C13orf46: variants seen among roughly 807,000 people sequenced by gnomAD.
C13orf46 encodes the protein chromosome 13 open reading frame 46, also known as uncharacterized protein C13orf46.
intron 6 of C13orf46, among the ~76,000 whole-genome samples, chr13:113,964,637 C>T (rs2052619170): frequency 6.6e-6 from 1 of 152,218 alleles, no homozygotes. Flanking sequence ...TCCCCCTTCT[C>T]ATCAGGTCCT....
At chr13:113,929,151 A>G in the C13orf46 span, among the ~76,000 whole-genome samples, 1 of 152,160 alleles carries the variant, frequency 6.6e-6, no homozygotes, top group Non-Finnish European at 1.5e-5. Flanking sequence ...TGCGGCAGGG[A>G]AGCAGAGGCA....
At chr13:113,969,845 G>A (rs1326395303) in intron 2 of C13orf46, among the ~76,000 whole-genome samples, 3 of 152,194 alleles carry the variant, frequency 2.0e-5, no homozygotes, top group Admixed American at 6.5e-5. Context: ...GTGAGACGAC[G>A]CCTCCTTCCC....
At chr13:113,943,729 C>T in the C13orf46 span, among the ~76,000 whole-genome samples, 4 of 152,208 alleles carry the variant, frequency 2.6e-5, no homozygotes, top group Admixed American at 6.5e-5. Context: ...TTTTGGCTTA[C>T]GCTCTGTTGG....
chr13:113,928,994 T>C, the C13orf46 span: 2 of 152,262 alleles, frequency 1.3e-5, no homozygotes, highest in Admixed American at 6.5e-5. Flanking sequence ...CTGACTGCAC[T>C]GGCCGGAACC....
In C13orf46 at chr13:113,954,950, G is replaced by A; in HGVS notation, c.*1823C>T. The A allele has an allele frequency of 5.7e-6, 1 of 174,836 alleles. No individual in the cohort carries two copies. Among genetic ancestry groups the A allele is most frequent in the Non-Finnish European group, 1.2e-5 (1 of 83,144 alleles). 10.8% of individuals were successfully genotyped at this position (174,836 alleles called of 1,614,324 possible). ...TGGCGGAGACGAGGAGGAGGATCTG[G>A]CGGAGACGAGGAGGAGGATCTGGCG... On this transcript the variant is annotated 3_prime_UTR_variant, in exon 7 of 7. Coordinates refer to ENST00000636427, the MANE Select transcript of C13orf46 (RefSeq NM_001365455.2).
chr13:113,971,387 T>C (rs1220755168), intron 1 of C13orf46, among the ~76,000 whole-genome samples: 1 of 152,152 alleles, frequency 6.6e-6, no homozygotes, highest in Non-Finnish European at 1.5e-5. Flanking sequence ...ATGAGACCAA[T>C]GGCCGACCAC....
At chr13:113,931,438 G>C in the C13orf46 span, among the ~76,000 whole-genome samples, 1 of 152,162 alleles carries the variant, frequency 6.6e-6, no homozygotes, top group Non-Finnish European at 1.5e-5. Context: ...TGAGTTCAGG[G>C]AGGGGCAATG....
the C13orf46 span, among the ~76,000 whole-genome samples, chr13:113,942,244 G>A: frequency 1.3e-5 from 2 of 152,192 alleles, no homozygotes. Context: ...GGGTCAACAC[G>A]CAGCCCGGGA....
the C13orf46 span, among the ~76,000 whole-genome samples, chr13:113,936,420 C>A: frequency 4.0e-3 from 610 of 152,294 alleles, 9 homozygotes; most frequent in East Asian, 0.049. Flanking sequence ...TTCCCACTGG[C>A]TCAAAGGAGC....
the C13orf46 span, among the ~76,000 whole-genome samples, chr13:113,945,662 AAGAAAGAAAGGAAAGAAAAAC>A: frequency 5.8e-5 from 8 of 138,988 alleles, no homozygotes; most frequent in Non-Finnish European, 8.1e-5. Context: ...GAAAGAAAGA[AAGAAAGAAAGGAAAGAAAAAC>A]AAACCAAGTC....
the C13orf46 span, among the ~76,000 whole-genome samples, chr13:113,945,652 GAAA>G: frequency 7.2e-5 from 10 of 138,168 alleles, no homozygotes; most frequent in African/African-American, 1.3e-4. Flanking sequence ...AAGAAAGAAA[GAAA>G]GAAAGAAAGA....
intron 4 of C13orf46, 39 bp downstream of exon 4, chr13:113,968,428 T>G: frequency 6.6e-6 from 1 of 152,244 alleles, no homozygotes; most frequent in East Asian, 1.9e-4. Flanking sequence ...TGGACAGGCC[T>G]CCCTTCTCAC....
At chr13:113,945,575 A>AAGAGAG in the C13orf46 span, among the ~76,000 whole-genome samples, 65 of 89,134 alleles carry the variant, frequency 7.3e-4, 3 homozygotes, top group Middle Eastern at 6.1e-3. Context: ...GAAAGAAAGA[A>AAGAGAG]AGAGAGAGAG....
intron 5 of C13orf46, among the ~76,000 whole-genome samples, chr13:113,965,758 A>ATGGTGGTGATGATGGTGATGG (rs1384772976): frequency 1.4e-5 from 2 of 145,644 alleles, no homozygotes; most frequent in African/African-American, 2.6e-5. Flanking sequence ...GATGATGGTG[A>ATGGTGGTGATGATGGTGATGG]TGGTGATGAT....
the C13orf46 span, among the ~76,000 whole-genome samples, chr13:113,934,845 T>C: frequency 5.9e-5 from 9 of 152,260 alleles, no homozygotes; most frequent in African/African-American, 2.2e-4. Flanking sequence ...GCCCCAGTTA[T>C]GGTCTCCAGA....
At chr13:113,939,290 G>T in the C13orf46 span, among the ~76,000 whole-genome samples, 1 of 152,180 alleles carries the variant, frequency 6.6e-6, no homozygotes, top group East Asian at 1.9e-4. Context: ...GGAGTGTGGA[G>T]CTGCAAGATG....
intron 5 of C13orf46, among the ~76,000 whole-genome samples, chr13:113,965,257 T>C (rs913955397): frequency 2.6e-5 from 4 of 152,152 alleles, no homozygotes; most frequent in Non-Finnish European, 4.4e-5. Flanking sequence ...CTTGAGTCCT[T>C]AGAACTCATG....
rs2052512407 is a variant in C13orf46 at position 113,955,057 on chromosome 13, ATCCG to A, written c.*1712_*1715del. The A allele has an allele frequency of 5.8e-5, 11 of 191,058 alleles. 1 individual carries two copies. Among genetic ancestry groups the A allele is most frequent in the African/African-American group, 2.8e-4 (11 of 39,520 alleles). The allele number at this position is 191,058 out of a possible 1,614,324, so 11.8% of individuals were successfully genotyped here. On this transcript the variant is annotated 3_prime_UTR_variant, in exon 7 of 7. Transcript: ENST00000636427. Reference sequence around the variant, plus strand: ...GTAGGATCTGGCGGAGAGGAGGAGCATCCGGCGGGGATGAGGAGCATCCAGTGGG... The same window carrying A: ...GTAGGATCTGGCGGAGAGGAGGAGCAGCGGGGATGAGGAGCATCCAGTGGG...
At chr13:113,938,856 T>C in the C13orf46 span, among the ~76,000 whole-genome samples, 1 of 152,056 alleles carries the variant, frequency 6.6e-6, no homozygotes, top group Non-Finnish European at 1.5e-5. Flanking sequence ...CTTCACTCAC[T>C]CTCAATCCCT....
Sources: gnomAD v4.1 joint callset for allele counts (sites outside exome capture counted in the v4.1 genomes callset) on GRCh38, gnomAD v4.1.1 for gene constraint, MANE v1.5 for transcripts, NCBI Gene and HGNC (gene_info 2026-07-23, HGNC 2026-07-21) for gene names.